The following PHAF1 variants were observed in gnomAD, a reference collection of about 807,000 sequenced individuals.
PHAF1 encodes the protein phagophore assembly factor 1.
PHAF1 carries 23 observed loss-of-function variants against 63.1 expected under a neutral mutation model. The observed-to-expected ratio is 0.36, with a 90% CI of 0.26 to 0.52. PHAF1 has a LOEUF of 0.52. Among genes scored for constraint, PHAF1 ranks in the 20% least tolerant of loss-of-function variants. PHAF1 has a pLI of 0.93. For missense variants in PHAF1, 427 were observed against 517.2 expected (o/e 0.83, Z 1.69); for synonymous variants, 167 against 185.0 (o/e 0.90, Z 0.79).
chr16:67,122,215 T>C (rs1031103926), intron 2 of PHAF1, among the ~76,000 whole-genome samples: 40 of 152,328 alleles, frequency 2.6e-4, no homozygotes, highest in African/African-American at 9.6e-4. Flanking sequence ...GTATTTCTTA[T>C]ATCACCATCA....
rs1241716044 is a variant in PHAF1, at chr16:67,146,291, A to G, written c.1123A>G (p.Asn375Asp). The change falls in exon 15 of 16, where the codon AAC becomes GAC. Residue 375 changes from asparagine (N) to aspartate (D), a missense_variant. Coordinates refer to ENST00000219139, the MANE Select transcript of PHAF1 (RefSeq NM_025187.5). ...PVVLHRSSSP[N>D]NTNPFGSTFC... is the part of the protein sequence containing the mutation. ...CTTTGGCCTCAGGTCTTCCTCCCCA[A>G]ACAACACCAACCCATTTGGTTCCAC... 15 of 1,613,956 alleles carry G rather than the reference A, an allele frequency of 9.3e-6. No individual in the cohort carries two copies. The highest frequency in any genetic ancestry group is 1.3e-5 in the African/African-American group (1 of 74,882).
intron 2 of PHAF1, among the ~76,000 whole-genome samples, chr16:67,121,751 T>C (rs1235364346): frequency 6.6e-6 from 1 of 151,908 alleles, no homozygotes; most frequent in Non-Finnish European, 1.5e-5. Flanking sequence ...CAGCTAATTT[T>C]GTATTTTTAG....
chr16:67,119,021 C>T (rs1217841657), intron 1 of PHAF1, among the ~76,000 whole-genome samples: 2 of 152,126 alleles, frequency 1.3e-5, no homozygotes, highest in Non-Finnish European at 2.9e-5. Context: ...GGCGATCCTC[C>T]TGCCCTGCCC....
chr16:67,137,487 T>G (rs1035167438), intron 8 of PHAF1, among the ~76,000 whole-genome samples: 1 of 151,976 alleles, frequency 6.6e-6, no homozygotes, highest in African/African-American at 2.4e-5. Context: ...CCAGGCTAAT[T>G]TCTGTATTTT....
At position 67,134,273 on chromosome 16, in the gene PHAF1, T is replaced by C; in HGVS notation, c.548+8T>C. The C allele has an allele frequency of 1.2e-6, 2 of 1,611,366 alleles. No individual in the cohort carries two copies. Among genetic ancestry groups the C allele is most frequent in the Admixed American group, 1.7e-5 (1 of 60,010 alleles). The stretch of plus-strand genomic sequence containing the variant: ...CAGCCTGCAGGATACCAAGTAAGTA[T>C]AAGGAGCATGAGTTTCTTGCTAAGG... On this transcript the variant is annotated splice_region_variant and intron_variant, in intron 7 of 15. Transcript: ENST00000219139.
chr16:67,144,266 C>T, intron 10 of PHAF1, 28 bp from the exon 11 acceptor site: 1 of 1,554,194 alleles, frequency 6.4e-7, no homozygotes, highest in Non-Finnish European at 8.9e-7. Flanking sequence ...AACATTCCCT[C>T]CTTGAGTACC....
chr16:67,132,895 A>G lies in PHAF1; in HGVS notation c.434A>G (p.Glu145Gly), dbSNP rs377148729. The change falls in exon 6 of 16, where the codon GAG becomes GGG. Residue 145 changes from glutamate to glycine, a missense_variant. Coordinates refer to ENST00000219139, the MANE Select transcript of PHAF1 (RefSeq NM_025187.5). ...SFSFQLDSWTEAPKYEPNFAH... is the reference protein window; with the variant it reads ...SFSFQLDSWTGAPKYEPNFAH... ...TCTTTTCAGTTAGACTCATGGACTG[A>G]GGCTCCAAAGTATGAGGTTAGCCCT... 5 of 1,610,778 alleles carry G rather than the reference A, an allele frequency of 3.1e-6. No individual in the cohort carries two copies. In the African/African-American group the frequency reaches 4.0e-5, roughly 13 times the overall value.
intron 1 of PHAF1, 97 bp from the exon 2 acceptor site, chr16:67,120,015 C>T: frequency 1.0e-6 from 1 of 978,764 alleles, no homozygotes; most frequent in Non-Finnish European, 1.6e-6. Flanking sequence ...CCCCAAACAT[C>T]CCCAGGCTTT....
chr16:67,137,332 G>A (rs1190958036), intron 8 of PHAF1, among the ~76,000 whole-genome samples: 1 of 151,958 alleles, frequency 6.6e-6, no homozygotes, highest in Admixed American at 6.6e-5. Flanking sequence ...TGTTGTTGTT[G>A]TTTTTTGACA....
chr16:67,142,705 T>C (rs1963858368), intron 10 of PHAF1, among the ~76,000 whole-genome samples: 1 of 151,936 alleles, frequency 6.6e-6, no homozygotes. Context: ...CCCCTGAGAG[T>C]GCAGGGATGC....
chr16:67,127,708 A>G (rs994863981), intron 3 of PHAF1, among the ~76,000 whole-genome samples: 14 of 152,116 alleles, frequency 9.2e-5, no homozygotes, highest in African/African-American at 1.7e-4. Context: ...AGGCAGGAGA[A>G]TGGCGTGAAC....
intron 8 of PHAF1, among the ~76,000 whole-genome samples, chr16:67,138,409 C>T (rs1354137138): frequency 6.6e-6 from 1 of 152,152 alleles, no homozygotes; most frequent in Non-Finnish European, 1.5e-5. Flanking sequence ...TGGATTGTTA[C>T]ACATGAGAGA....
chr16:67,114,726 T>C, intron 1 of PHAF1, among the ~76,000 whole-genome samples: 1 of 152,244 alleles, frequency 6.6e-6, no homozygotes, highest in East Asian at 1.9e-4. Flanking sequence ...CTATCAAGGA[T>C]ACTTTGTGTT....
At chr16:67,128,239 A>G (rs2145851959) in intron 3 of PHAF1, among the ~76,000 whole-genome samples, 1 of 152,316 alleles carries the variant, frequency 6.6e-6, no homozygotes, top group Admixed American at 6.5e-5. Context: ...GATCTGGGAA[A>G]TAAATAAGAA....
rs778179857 is a variant in PHAF1 at position 67,140,107 on chromosome 16, C to T, written c.785C>T (p.Ser262Leu). The part of the protein sequence containing the change: ...LGSPHKVFYK[S>L]EDKMKIHSPS... The stretch of plus-strand genomic sequence containing the variant: ...TCTCCACACAAAGTCTTCTATAAAT[C>T]AGAAGACAAGGTAGGGGAATTATGT... Residue 262 changes from serine to leucine, a missense_variant, in exon 9 of 16, where the codon TCA (serine) becomes TTA (leucine). Ser to Leu is a moderately radical substitution (Grantham distance 145, BLOSUM62 -2). Transcript: ENST00000219139. The T allele has an allele frequency of 2.5e-6, 4 of 1,614,038 alleles. No individual in the cohort carries two copies. The highest frequency in any genetic ancestry group is 8.5e-7 in the Non-Finnish European group (1 of 1,179,962).
intron 8 of PHAF1, 152 bp from the exon 9 acceptor site, chr16:67,139,832 G>A (rs900274285): frequency 7.6e-6 from 6 of 788,254 alleles, no homozygotes; most frequent in South Asian, 3.3e-5. Flanking sequence ...ACAGTCTTAA[G>A]CCCTGGTGAC....
intron 13 of PHAF1, 27 bp from the exon 14 acceptor site, chr16:67,145,543 C>A (rs1421848780): frequency 2.5e-6 from 4 of 1,613,986 alleles, no homozygotes; most frequent in Non-Finnish European, 2.5e-6. Context: ...CCCTACTAAC[C>A]CCTGCTCCCC....
chr16:67,147,446 T>A lies in PHAF1; in HGVS notation c.*315T>A. 2.9e-6 allele frequency: 1 copy of A among 341,004 alleles called. No homozygotes were observed. Among genetic ancestry groups the A allele is most frequent in the Non-Finnish European group, 5.4e-6 (1 of 186,572 alleles). The allele number at this position is 341,004 out of a possible 1,614,324, so 21.1% of individuals were successfully genotyped here. A position where few individuals can be genotyped will look rare whatever the true frequency, so the allele number is the denominator to read the frequency against. ...GCAGGAGAGGTCAACCCTTGTCCCA[T>A]GCACATTGGGAAGACTTGGGGCTCT... On this transcript the variant is annotated 3_prime_UTR_variant, in exon 16 of 16. Transcript: ENST00000219139.
intron 1 of PHAF1, 108 bp downstream of exon 1, chr16:67,110,347 C>T: frequency 8.3e-7 from 1 of 1,201,728 alleles, no homozygotes; most frequent in Non-Finnish European, 1.2e-6. Context: ...CAGCTCCTCA[C>T]CTCTTTCGTC....
Sources: allele counts gnomAD v4.1 joint callset (sites outside exome capture counted in the v4.1 genomes callset), GRCh38; gene constraint gnomAD v4.1.1; transcripts MANE v1.5; gene names NCBI Gene and HGNC (gene_info 2026-07-23, HGNC 2026-07-21).